VRTN: variants seen among roughly 807,000 people sequenced by gnomAD.
VRTN encodes vertebrae development associated.
VRTN carries 5 observed loss-of-function variants against 18.2 expected under a neutral mutation model. That is an observed-to-expected ratio of 0.27 (90% CI 0.14 to 0.58). VRTN has a LOEUF of 0.58. Ranked by LOEUF, VRTN falls within the 20% of genes least tolerant of loss-of-function variation. The probability of loss-of-function intolerance (pLI) is 0.91; values close to 1 mark genes in which losing one functional copy is unlikely to be tolerated. For missense variants in VRTN, 741 were observed against 939.4 expected, an observed-to-expected ratio of 0.79 and a Z score of 2.76; for synonymous variants, 381 against 393.7, an observed-to-expected ratio of 0.97 and a Z score of 0.38.
chr14:74,347,855 A>G (rs1370673979), upstream of VRTN, among the ~76,000 whole-genome samples: 1 of 152,200 alleles, frequency 6.6e-6, no homozygotes, highest in Non-Finnish European at 1.5e-5. Context: ...GCTCTGGCCC[A>G]GGCTTGCTTT....
intron 1 of VRTN, among the ~76,000 whole-genome samples, chr14:74,352,677 T>C (rs1308124097): frequency 6.6e-6 from 1 of 152,128 alleles, no homozygotes; most frequent in Non-Finnish European, 1.5e-5. Flanking sequence ...CCTCCCAAAG[T>C]GCTGGGATTA....
At chr14:74,343,442 T>C (rs2140207724) in intron 2 of VRTN, among the ~76,000 whole-genome samples, 1 of 152,294 alleles carries the variant, frequency 6.6e-6, no homozygotes, top group South Asian at 2.1e-4. Flanking sequence ...GTATAACTTC[T>C]AAGTGGGGAA....
intron 1 of VRTN, among the ~76,000 whole-genome samples, chr14:74,335,798 T>C (rs985406957): frequency 6.7e-6 from 1 of 149,902 alleles, no homozygotes; most frequent in African/African-American, 2.5e-5. Flanking sequence ...TGGAGTGCAG[T>C]GGTATGGTCT....
chr14:74,316,521 CAAACA>C, intron 1 of VRTN, among the ~76,000 whole-genome samples: 1 of 151,438 alleles, frequency 6.6e-6, no homozygotes, highest in Non-Finnish European at 1.5e-5. Flanking sequence ...AACAAACAAA[CAAACA>C]AATGAACAAA....
intron 1 of VRTN, among the ~76,000 whole-genome samples, chr14:74,331,405 T>C (rs1384807647): frequency 6.7e-6 from 1 of 150,260 alleles, no homozygotes; most frequent in Non-Finnish European, 1.5e-5. Context: ...AGCAGGTGCC[T>C]GTAATTCCAG....
Position 74,357,181 on chromosome 14 carries a change from T to C in VRTN, c.398T>C (p.Val133Ala). ...MIDSKVMLQAVRYSLCSEESP... is the reference protein window; with the variant it reads ...MIDSKVMLQAARYSLCSEESP... ...GACTCCAAAGTGATGCTGCAGGCCG[T>C]GCGCTACTCCCTATGCTCTGAGGAG... The change falls in exon 2 of 2, where the codon GTG (valine) becomes GCG (alanine). Residue 133 changes from valine to alanine, a missense_variant. Coordinates refer to ENST00000256362, the MANE Select transcript of VRTN (RefSeq NM_018228.3). This position sits in a 1 kb window ranked among gnomAD's most constrained non-coding sequence, Gnocchi z 7.8. 1 of 1,603,318 alleles carries C rather than the reference T, an allele frequency of 6.2e-7. No homozygotes were observed. Among genetic ancestry groups the C allele is most frequent in the South Asian group, 1.1e-5 (1 of 90,948 alleles).
At chr14:74,344,530 C>T (rs1054882998), upstream of VRTN, among the ~76,000 whole-genome samples, 10 of 150,344 alleles carry the variant, frequency 6.7e-5, no homozygotes, top group East Asian at 3.9e-4. Flanking sequence ...GTCAGGAGTT[C>T]GAAACCAGCC....
At chr14:74,336,660 A>G (rs2085566783) in intron 1 of VRTN, among the ~76,000 whole-genome samples, 4 of 152,078 alleles carry the variant, frequency 2.6e-5, no homozygotes, top group Admixed American at 2.6e-4. Flanking sequence ...ATATAATTGA[A>G]CTAAAATGTT....
In VRTN at chr14:74,356,910, C is replaced by T. The variant is rs1162014095; in HGVS notation, c.127C>T (p.Leu43Phe). Reference protein sequence around the residue: ...EAKQVLSSFTLPTCREGGPGL... With the variant: ...EAKQVLSSFTFPTCREGGPGL... ...CAAGCAGGTCCTGTCTTCCTTCACT[C>T]TCCCCACCTGCCGGGAGGGAGGCCC... is the stretch of plus-strand genomic sequence containing the variant. Residue 43 changes from leucine to phenylalanine, a missense_variant, in exon 2 of 2, where the codon CTC (leucine) becomes TTC (phenylalanine). Leu to Phe is a conservative substitution (Grantham distance 22). Coordinates refer to ENST00000256362, the MANE Select transcript of VRTN (RefSeq NM_018228.3). The T allele has an allele frequency of 2.9e-5, 47 of 1,613,910 alleles. No individual in the cohort carries two copies. The highest frequency in any genetic ancestry group is 3.8e-5 in the Non-Finnish European group (45 of 1,180,018).
At chr14:74,351,543 CG>C (rs2085684540) in intron 1 of VRTN, among the ~76,000 whole-genome samples, 1 of 144,264 alleles carries the variant, frequency 6.9e-6, no homozygotes, top group Admixed American at 7.2e-5. Flanking sequence ...CTCTGACACC[CG>C]GGCTGGAGTG....
At chr14:74,306,287 C>T (rs1414423500) in intron 1 of VRTN, among the ~76,000 whole-genome samples, 1 of 149,824 alleles carries the variant, frequency 6.7e-6, no homozygotes, top group East Asian at 1.9e-4. Context: ...CCACCTCAGC[C>T]TCCTTAGTAG....
At chr14:74,328,829 C>G (rs1158341430) in intron 1 of VRTN, among the ~76,000 whole-genome samples, 1 of 151,996 alleles carries the variant, frequency 6.6e-6, no homozygotes, top group Non-Finnish European at 1.5e-5. Flanking sequence ...GAAACCTTGT[C>G]TCTACTAAAA....
intron 1 of VRTN, among the ~76,000 whole-genome samples, chr14:74,335,153 T>C (rs2085555455): frequency 6.6e-6 from 1 of 152,176 alleles, no homozygotes; most frequent in South Asian, 2.1e-4. Flanking sequence ...TGGTGGTGCA[T>C]GCCTGCAATC....
chr14:74,352,107 C>G (rs1333954261), intron 1 of VRTN, among the ~76,000 whole-genome samples: 1 of 152,194 alleles, frequency 6.6e-6, no homozygotes, highest in Non-Finnish European at 1.5e-5. Flanking sequence ...GCCTCGTCCT[C>G]CCAAAGTGCT....
upstream of VRTN, among the ~76,000 whole-genome samples, chr14:74,345,652 G>C (rs2085639136): frequency 1.3e-5 from 2 of 152,040 alleles, no homozygotes; most frequent in Non-Finnish European, 2.9e-5. Context: ...GGCCAGGCAT[G>C]GTCGCTCACA....
Position 74,358,484 on chromosome 14 carries a change from A to G in VRTN, c.1701A>G (p.Lys567=), listed in dbSNP as rs1394700398. ...AGGTGCCGGTCCCCACCTTGGGCAA[A>G]GGGGGGCAGGAGGCTGAGGAGAAGC... ...KLQVPVPTLG[K]GGQEAEEKQE... Residue 567 remains lysine (K), a synonymous_variant, in exon 2 of 2, where the codon AAA becomes AAG. Transcript: ENST00000256362. This position sits in a 1 kb window ranked among gnomAD's most constrained non-coding sequence, Gnocchi z 5.4. 1.2e-6 allele frequency: 2 copies of G among 1,613,938 alleles called. No homozygotes were observed. The highest frequency in any genetic ancestry group is 2.7e-5 in the African/African-American group (2 of 74,924).
chr14:74,311,598 C>A (rs984426923), intron 1 of VRTN, among the ~76,000 whole-genome samples: 1 of 151,906 alleles, frequency 6.6e-6, no homozygotes, highest in Non-Finnish European at 1.5e-5. Context: ...TTAGTAAAGA[C>A]GGGGTTTCGC....
intron 1 of VRTN, among the ~76,000 whole-genome samples, chr14:74,322,425 C>T (rs2085461853): frequency 6.6e-6 from 1 of 152,204 alleles, no homozygotes; most frequent in Non-Finnish European, 1.5e-5. Context: ...GTTGGGATTA[C>T]AGGCATGAGC....
At chr14:74,347,905 C>T (rs1467298124), upstream of VRTN, among the ~76,000 whole-genome samples, 1 of 152,144 alleles carries the variant, frequency 6.6e-6, no homozygotes, top group African/African-American at 2.4e-5. Flanking sequence ...GGGGGATGCT[C>T]AGAGAATGGT....
Sources: allele counts gnomAD v4.1 joint callset (sites outside exome capture counted in the v4.1 genomes callset), GRCh38; gene constraint gnomAD v4.1.1; non-coding constraint Gnocchi (gnomAD v3.1); transcripts MANE v1.5; gene names NCBI Gene and HGNC (gene_info 2026-07-23, HGNC 2026-07-21).